Variants in ZNF354C observed in about 807,000 individuals in gnomAD.
ZNF354C encodes zinc finger protein 354C.
A neutral mutation model predicts 12.4 loss-of-function variants in ZNF354C; 7 were observed. The observed-to-expected ratio is 0.56, with a 90% confidence interval of 0.32 to 1.06. The LOEUF is 1.06. ZNF354C is among the 50% of genes least tolerant of loss of function. ZNF354C has a pLI of 0.04. For synonymous variants in ZNF354C, 202 were observed against 224.5 expected (o/e 0.90, Z 0.90); for missense variants, 609 against 658.0 (o/e 0.93, Z 0.81).
Position 179,078,784 on chromosome 5 carries a change from G to A in ZNF354C, c.352G>A (p.Gly118Ser), listed in dbSNP as rs917250054. 1 of 1,614,050 alleles carries A rather than the reference G, an allele frequency of 6.2e-7. No individual in the cohort carries two copies. The highest frequency in any genetic ancestry group is 8.5e-7 in the Non-Finnish European group (1 of 1,179,986). ...GMVKKESIKD[G>S]HWDINFEEAV... ...GGTAAAGAAAGAATCCATTAAGGAT[G>A]GTCACTGGGACATTAACTTTGAAGA... is the stretch of plus-strand genomic sequence containing the variant. Residue 118 changes from glycine (G) to serine (S), a missense_variant, in exon 5 of 5, where the codon GGT becomes AGT. Physicochemically the swap from Gly to Ser is moderately conservative, Grantham distance 56 (BLOSUM62 0). Transcript: ENST00000315475.
At chr5:179,070,841 CTTTTTTTTT>C (rs766817856) in intron 2 of ZNF354C, among the ~76,000 whole-genome samples, 165 of 75,474 alleles carry the variant, frequency 2.2e-3, no homozygotes, top group African/African-American at 8.7e-3. Flanking sequence ...CTTGATCGCT[CTTTTTTTTT>C]TTTTTTTTTT....
intron 4 of ZNF354C, among the ~76,000 whole-genome samples, chr5:179,077,672 A>G (rs758025844): frequency 5.9e-5 from 9 of 152,208 alleles, no homozygotes; most frequent in Non-Finnish European, 8.8e-5. Context: ...CACCAGGGAC[A>G]GATTGTTGCA....
At chr5:179,067,795 C>T (rs1761977628) in intron 2 of ZNF354C, among the ~76,000 whole-genome samples, 1 of 152,062 alleles carries the variant, frequency 6.6e-6, no homozygotes, top group East Asian at 1.9e-4. Context: ...TTGCTGTGAG[C>T]CAAGATGGCG....
chr5:179,073,710 G>A (rs1340945545), intron 2 of ZNF354C, among the ~76,000 whole-genome samples: 4 of 152,126 alleles, frequency 2.6e-5, no homozygotes, highest in South Asian at 2.1e-4. Context: ...CAGAGGGCTG[G>A]AGTGAAGTGG....
rs778620126 is a variant in ZNF354C at position 179,079,056 on chromosome 5, G to C, written c.624G>C (p.Gln208His). Residue 208 changes from glutamine (Q) to histidine (H), a missense_variant, in exon 5 of 5, where the codon CAG becomes CAC. Coordinates refer to ENST00000315475, the MANE Select transcript of ZNF354C (RefSeq NM_014594.3). The surrounding 1 kb of genome is among the most constrained non-coding windows in gnomAD (Gnocchi z 4.2). Reference protein sequence around the residue: ...KQNFDLMKCFQIYPGGKPHIC... With the variant: ...KQNFDLMKCFHIYPGGKPHIC... ...ATTTTGATCTCATGAAATGCTTCCA[G>C]ATTTACCCAGGAGGAAAACCTCACA... 6.2e-7 allele frequency: 1 copy of C among 1,613,544 alleles called. No homozygotes were observed. Among genetic ancestry groups the C allele is most frequent in the Non-Finnish European group, 8.5e-7 (1 of 1,179,956 alleles).
In ZNF354C at chr5:179,079,540, T is replaced by C; in HGVS notation, c.1108T>C (p.Ser370Pro). 8 of 1,614,158 alleles carry C rather than the reference T, an allele frequency of 5.0e-6. No individual in the cohort carries two copies. The highest frequency in any genetic ancestry group is 6.8e-6 in the Non-Finnish European group (8 of 1,180,028). ...ECGKGYSQFT[S>P]LAEHQRFHTG... ...TGGGAAGGGATACAGCCAGTTTACA[T>C]CTCTAGCTGAACATCAGAGGTTTCA... The change falls in exon 5 of 5, where the codon TCT becomes CCT. Residue 370 changes from serine to proline, a missense_variant. Coordinates refer to ENST00000315475, the MANE Select transcript of ZNF354C (RefSeq NM_014594.3). The surrounding 1 kb of genome is among the most constrained non-coding windows in gnomAD (Gnocchi z 4.2).
chr5:179,062,285 G>A (rs139635437), intron 2 of ZNF354C, among the ~76,000 whole-genome samples, 190 bp downstream of exon 2: 3 of 152,260 alleles, frequency 2.0e-5, no homozygotes, highest in Non-Finnish European at 2.9e-5. Flanking sequence ...CTTTTGTCCC[G>A]AGACTACTCT....
intron 1 of ZNF354C, among the ~76,000 whole-genome samples, chr5:179,061,588 C>G (rs536412825): frequency 6.6e-6 from 1 of 152,136 alleles, no homozygotes; most frequent in East Asian, 1.9e-4. Flanking sequence ...GGGTCTGTCA[C>G]CAGGGTAGGG....
At chr5:179,072,174 G>C (rs1762061408) in intron 2 of ZNF354C, among the ~76,000 whole-genome samples, 1 of 151,680 alleles carries the variant, frequency 6.6e-6, no homozygotes, top group African/African-American at 2.4e-5. Context: ...AGGACTTAAA[G>C]GAAAATATAC....
intron 2 of ZNF354C, among the ~76,000 whole-genome samples, chr5:179,071,368 T>C (rs1352288464): frequency 1.2e-5 from 1 of 86,304 alleles, no homozygotes; most frequent in African/African-American, 3.8e-5. Flanking sequence ...GCCAGGCTCA[T>C]TTTTTTTTTT....
chr5:179,082,606 C>G lies in ZNF354C; in HGVS notation c.*2509C>G. 8.2e-7 allele frequency: 1 copy of G among 1,213,310 alleles called. No individual in the cohort carries two copies. Among genetic ancestry groups the G allele is most frequent in the Non-Finnish European group, 1.2e-6 (1 of 818,382 alleles). The allele number at this position is 1,213,310 out of a possible 1,614,324, so 75.2% of individuals were successfully genotyped here. A position where few individuals can be genotyped will look rare whatever the true frequency, so the allele number is the denominator to read the frequency against. Reference sequence around the variant, plus strand: ...CGGGAGGGATGAAGAGGGAGATATTCAGAAACCTTCACCAGATTCCTCCCA... The same window carrying G: ...CGGGAGGGATGAAGAGGGAGATATTGAGAAACCTTCACCAGATTCCTCCCA... On this transcript the variant is annotated 3_prime_UTR_variant, in exon 5 of 5. Transcript: ENST00000315475.
At chr5:179,062,509 G>A (rs977342656) in intron 2 of ZNF354C, among the ~76,000 whole-genome samples, 2 of 152,302 alleles carry the variant, frequency 1.3e-5, no homozygotes, top group Middle Eastern at 3.4e-3. Flanking sequence ...TGCAGCACAC[G>A]GGATGGAAAG....
chr5:179,070,227 T>C (rs1427593162), intron 2 of ZNF354C, among the ~76,000 whole-genome samples: 1 of 152,196 alleles, frequency 6.6e-6, no homozygotes, highest in African/African-American at 2.4e-5. Flanking sequence ...ATCTAATGCC[T>C]GTGATCTGAG....
At chr5:179,076,649 G>C in intron 3 of ZNF354C, 78 bp downstream of exon 3, 1 of 1,562,404 alleles carries the variant, frequency 6.4e-7, no homozygotes, top group Admixed American at 1.8e-5. Flanking sequence ...CGAGCCTGTG[G>C]TCTTGTACCC....
At chr5:179,067,601 C>T (rs567622644) in intron 2 of ZNF354C, among the ~76,000 whole-genome samples, 16 of 152,308 alleles carry the variant, frequency 1.1e-4, no homozygotes, top group African/African-American at 3.6e-4. Context: ...AATCCCAGCA[C>T]TTTGGGAGGC....
At chr5:179,076,803 A>G (rs1054671141) in intron 3 of ZNF354C, among the ~76,000 whole-genome samples, 10 of 152,046 alleles carry the variant, frequency 6.6e-5, no homozygotes, top group Non-Finnish European at 1.2e-4. Flanking sequence ...GAGTAGGCCA[A>G]TGACTAGAGA....
rs1762213754 is a variant in ZNF354C at position 179,080,542 on chromosome 5, A to AACAT, written c.*447_*450dup. On this transcript the variant is annotated 3_prime_UTR_variant, in exon 5 of 5. Transcript: ENST00000315475. The stretch of plus-strand genomic sequence containing the variant: ...CACTTCTTTTCATAAAGAGAAGCTA[A>AACAT]ACATAAAAAGGAATTTTAAATTTAA... 1 of 152,494 alleles carries AACAT rather than the reference A, an allele frequency of 6.6e-6. No homozygotes were observed. Among genetic ancestry groups the AACAT allele is most frequent in the Admixed American group, 6.5e-5 (1 of 15,304 alleles). The allele number at this position is 152,494 out of a possible 1,614,324, so 9.4% of individuals were successfully genotyped here. A position where few individuals can be genotyped will look rare whatever the true frequency, so the allele number is the denominator to read the frequency against.
chr5:179,061,570 G>A (rs112158681), intron 1 of ZNF354C, among the ~76,000 whole-genome samples: 27 of 152,252 alleles, frequency 1.8e-4, no homozygotes, highest in African/African-American at 4.8e-4. Flanking sequence ...CACTCAGGGC[G>A]AGCAGTGGGG....
rs764423659 is a variant in ZNF354C, at chr5:179,077,115, G to A, written c.199G>A (p.Gly67Arg). ...AAAGTTGATTCATCAGTTGCAGCAA[G>A]GAGAAGATCCCTGCATGGTGGAAAG... Reference protein sequence around the residue: ...MPKLIHQLQQGEDPCMVEREV... With the variant: ...MPKLIHQLQQREDPCMVEREV... The change falls in exon 4 of 5, where the codon GGA (glycine) becomes AGA (arginine). Residue 67 changes from glycine to arginine, a missense_variant. By Grantham distance (125) the Gly-to-Arg change is moderately radical (BLOSUM62 -2). Coordinates refer to ENST00000315475, the MANE Select transcript of ZNF354C (RefSeq NM_014594.3). 2.4e-5 allele frequency: 38 copies of A among 1,614,080 alleles called. No individual in the cohort carries two copies. The highest frequency in any genetic ancestry group is 3.2e-5 in the Non-Finnish European group (38 of 1,180,048).
Sources: allele counts gnomAD v4.1 joint callset (sites outside exome capture counted in the v4.1 genomes callset), GRCh38; gene constraint gnomAD v4.1.1; non-coding constraint Gnocchi (gnomAD v3.1); transcripts MANE v1.5; gene names NCBI Gene and HGNC (gene_info 2026-07-23, HGNC 2026-07-21).